Variants in SMARCD2 observed in about 807,000 individuals in gnomAD.
The protein encoded by SMARCD2 is SWI/SNF related BAF chromatin remodeling complex subunit D2.
Under a neutral mutation model 70.4 loss-of-function variants are expected in SMARCD2, and 39 were observed. The ratio of observed to expected loss-of-function variants is 0.55; its 90% confidence interval spans 0.43 to 0.72. The LOEUF is 0.72. SMARCD2 is among the 30% of genes least tolerant of loss of function. The probability of loss-of-function intolerance (pLI) is 0.00; values close to 1 mark genes in which losing one functional copy is unlikely to be tolerated. For missense variants in SMARCD2, 540 were observed against 713.4 expected (o/e 0.76, Z 2.77); for synonymous variants, 249 against 279.4 (o/e 0.89, Z 1.08).
Position 63,836,815 on chromosome 17 carries a change from G to A in SMARCD2, c.567+107C>T, listed in dbSNP as rs2040271742. 13 of 1,001,246 alleles carry A rather than the reference G, an allele frequency of 1.3e-5. No individual in the cohort carries two copies. In the South Asian group the frequency reaches 1.7e-4, roughly 13 times the overall value. The allele number at this position is 1,001,246 out of a possible 1,614,324, so 62.0% of individuals were successfully genotyped here. On this transcript the variant is annotated intron_variant, in intron 4 of 12. Transcript: ENST00000448276. ...GTACTCTACTAGTGGGCTGCATCCTGCATGTGAAAAACCCGGCTCTAGCCC... is the reference window on the plus strand; with the variant it reads ...GTACTCTACTAGTGGGCTGCATCCTACATGTGAAAAACCCGGCTCTAGCCC...
chr17:63,840,780 C>T (rs1035256689), intron 1 of SMARCD2, among the ~76,000 whole-genome samples: 1 of 152,236 alleles, frequency 6.6e-6, no homozygotes, highest in African/African-American at 2.4e-5. Context: ...TTCCCATCTA[C>T]CTCTCCTGCC....
Position 63,833,532 on chromosome 17 carries a change from G to C in SMARCD2, c.1317+55C>G. The C allele has an allele frequency of 1.2e-5, 19 of 1,612,600 alleles. No homozygotes were observed. The highest frequency in any genetic ancestry group is 1.6e-5 in the Non-Finnish European group (19 of 1,178,892). ...TACATGTATGGAAATGCTGGACAGA[G>C]CCAGCCCACCCCAATCCTGGGCCCC... On this transcript the variant is annotated intron_variant, in intron 10 of 12. Coordinates refer to ENST00000448276, the MANE Select transcript of SMARCD2 (RefSeq NM_001098426.2). This position sits in a 1 kb window ranked among gnomAD's most constrained non-coding sequence, Gnocchi z 4.3.
intron 1 of SMARCD2, chr17:63,838,803 C>A (rs989957292): frequency 6.9e-5 from 88 of 1,270,740 alleles, no homozygotes; most frequent in Non-Finnish European, 8.4e-5. Context: ...CCAAGCCCGG[C>A]AGGGTGGAGA....
chr17:63,833,284 A>T lies in SMARCD2; in HGVS notation c.1440+14T>A. On this transcript the variant is annotated intron_variant, in intron 11 of 12. Transcript: ENST00000448276. The surrounding 1 kb of genome is among the most constrained non-coding windows in gnomAD (Gnocchi z 4.3). ...AGCTTTACATAGGAGTCCCCTCGGG[A>T]AAGAGGACTACACCTTGAGGTCTCG... 1 of 1,613,946 alleles carries T rather than the reference A, an allele frequency of 6.2e-7. No individual in the cohort carries two copies.
chr17:63,837,950 G>C lies in SMARCD2; in HGVS notation c.217-325C>G, dbSNP rs1325408716. On this transcript the variant is annotated intron_variant, in intron 1 of 12. Coordinates refer to ENST00000448276, the MANE Select transcript of SMARCD2 (RefSeq NM_001098426.2). The surrounding 1 kb of genome is among the most constrained non-coding windows in gnomAD (Gnocchi z 6.4). ...TGCTACCTTCCAGCCCCAGCATGCTGTGCCCTATTCCCTGGGCAAGCTGGT... is the reference window on the plus strand; with the variant it reads ...TGCTACCTTCCAGCCCCAGCATGCTCTGCCCTATTCCCTGGGCAAGCTGGT... Among the ~76,000 whole-genome samples, 1 of 152,142 alleles carries C rather than the reference G, an allele frequency of 6.6e-6. No individual in the cohort carries two copies. The highest frequency in any genetic ancestry group is 2.4e-5 in the African/African-American group (1 of 41,428).
At chr17:63,841,458 T>C (rs1430314207) in intron 1 of SMARCD2, among the ~76,000 whole-genome samples, 1 of 152,198 alleles carries the variant, frequency 6.6e-6, no homozygotes, top group East Asian at 1.9e-4. Context: ...GCTTCGGACG[T>C]GGTGGAGTTA....
At position 63,842,429 on chromosome 17, in the gene SMARCD2, C is replaced by T. The variant is rs1904505219; in HGVS notation, c.216+30G>A. 7 of 1,342,028 alleles carry T rather than the reference C, an allele frequency of 5.2e-6. No individual in the cohort carries two copies. In the South Asian group the frequency reaches 1.2e-4, roughly 22 times the overall value. 83.1% of individuals were successfully genotyped at this position (1,342,028 alleles called of 1,614,324 possible). A position where few individuals can be genotyped will look rare whatever the true frequency, so the allele number is the denominator to read the frequency against. On this transcript the variant is annotated intron_variant, in intron 1 of 12. Coordinates refer to ENST00000448276, the MANE Select transcript of SMARCD2 (RefSeq NM_001098426.2). ...CCGGGCGCCCTCGCAGCGCCTCTCG[C>T]CCCCGTCCGCTCGCGTCCTCCTTGC...
chr17:63,842,301 GCGACCCGCCGCAGCCCGAGGGTCC>G, intron 1 of SMARCD2, 134 bp downstream of exon 1: 1 of 1,131,438 alleles, frequency 8.8e-7, no homozygotes, highest in Non-Finnish European at 1.1e-6. Flanking sequence ...CTTCTCCACC[GCGACCCGCCGCAGCCCGAGGGTCC>G]CGGCCCGCCC....
rs1130103 is a variant in SMARCD2, at chr17:63,834,570, G to A, written c.825C>T (p.His275=). ...YGPDNHLVEW[H]RMPTTQETDG... is the part of the protein sequence containing the mutation. ...CTGTCTCCTGGGTGGTGGGCATCCGGTGCCACTGGCAGGGAGGGAAGCATG... is the reference window on the plus strand; with the variant it reads ...CTGTCTCCTGGGTGGTGGGCATCCGATGCCACTGGCAGGGAGGGAAGCATG... Residue 275 remains histidine (H), a synonymous_variant, in exon 7 of 13, where the codon CAC becomes CAT. Transcript: ENST00000448276. This position sits in a 1 kb window ranked among gnomAD's most constrained non-coding sequence, Gnocchi z 5.6. 6.2e-7 allele frequency: 1 copy of A among 1,603,130 alleles called. No homozygotes were observed. Among genetic ancestry groups the A allele is most frequent in the South Asian group, 1.1e-5 (1 of 90,402 alleles).
Position 63,834,732 on chromosome 17 carries a change from C to T in SMARCD2, c.792G>A (p.Leu264=), listed in dbSNP as rs923298693. Reference sequence around the variant, plus strand: ...CCACCAGGTGATTGTCAGGCCCGTACAGCTCCTTGTCCAGCTCAATGACGA... The same window carrying T: ...CCACCAGGTGATTGTCAGGCCCGTATAGCTCCTTGTCCAGCTCAATGACGA... ...KSLVIELDKE[L]YGPDNHLVEW... The change falls in exon 6 of 13, where the codon CTG becomes CTA. Residue 264 remains leucine (L), a synonymous_variant. Coordinates refer to ENST00000448276, the MANE Select transcript of SMARCD2 (RefSeq NM_001098426.2). This position sits in a 1 kb window ranked among gnomAD's most constrained non-coding sequence, Gnocchi z 5.6. 1.9e-6 allele frequency: 3 copies of T among 1,613,604 alleles called. No homozygotes were observed. Among genetic ancestry groups the T allele is most frequent in the Non-Finnish European group, 1.7e-6 (2 of 1,179,466 alleles).
chr17:63,836,427 AT>A (rs796342534), intron 4 of SMARCD2, among the ~76,000 whole-genome samples: 5 of 145,256 alleles, frequency 3.4e-5, no homozygotes, highest in African/African-American at 1.3e-4. Context: ...TGAACCTGGG[AT>A]GCGAAGGTTG....
intron 1 of SMARCD2, chr17:63,838,997 G>T (rs1904334734): frequency 6.1e-6 from 6 of 985,394 alleles, no homozygotes; most frequent in Non-Finnish European, 7.2e-6. Flanking sequence ...AGCAGGGTGG[G>T]ACGGAAGTGT....
At chr17:63,838,334 C>T (rs2040291550) in intron 1 of SMARCD2, among the ~76,000 whole-genome samples, 1 of 152,006 alleles carries the variant, frequency 6.6e-6, no homozygotes, top group Non-Finnish European at 1.5e-5. Flanking sequence ...CTCCCTACTG[C>T]CCAACTACTA....
At chr17:63,838,365 A>G (rs374854436) in intron 1 of SMARCD2, among the ~76,000 whole-genome samples, 30 of 152,018 alleles carry the variant, frequency 2.0e-4, no homozygotes, top group Non-Finnish European at 3.5e-4. Flanking sequence ...AGAAGACCCC[A>G]GAAGGGAAGC....
intron 4 of SMARCD2, 68 bp downstream of exon 4, chr17:63,836,854 C>T: frequency 1.3e-6 from 2 of 1,544,578 alleles, no homozygotes; most frequent in Non-Finnish European, 1.8e-6. Context: ...TTGCTTGGCC[C>T]CTGGAAAACA....
chr17:63,835,389 C>T (rs1413429309), intron 5 of SMARCD2, 23 bp downstream of exon 5: 1 of 1,606,798 alleles, frequency 6.2e-7, no homozygotes, highest in African/African-American at 1.3e-5. Flanking sequence ...TCCTTCCCTC[C>T]AGAACCTCCC....
Position 63,837,624 on chromosome 17 carries a change from C to A in SMARCD2, c.218G>T (p.Arg73Leu). 6.2e-7 allele frequency: 1 copy of A among 1,612,290 alleles called. No homozygotes were observed. Among genetic ancestry groups the A allele is most frequent in the South Asian group, 1.1e-5 (1 of 90,908 alleles). The change falls in exon 2 of 13, where the codon CGA (arginine) becomes CTA (leucine). Residue 73 changes from arginine to leucine, a missense_variant and splice_region_variant. By Grantham distance (102) the Arg-to-Leu change is moderately radical. Transcript: ENST00000448276. This position sits in a 1 kb window ranked among gnomAD's most constrained non-coding sequence, Gnocchi z 6.4. ...GPAGPAAQYQ[R>L]PGMSPGNRMP... Reference sequence around the variant, plus strand: ...CCGGTTCCCTGGTGACATGCCAGGTCGCTGGGGGAAGTGAGCCAACGGGGG... The same window carrying A: ...CCGGTTCCCTGGTGACATGCCAGGTAGCTGGGGGAAGTGAGCCAACGGGGG...
chr17:63,837,635 G>T lies in SMARCD2; in HGVS notation c.217-10C>A. ...GTGACATGCCAGGTCGCTGGGGGAA[G>T]TGAGCCAACGGGGGTGCATAGGTCA... On this transcript the variant is annotated splice_polypyrimidine_tract_variant and intron_variant, in intron 1 of 12. Transcript: ENST00000448276. This position sits in a 1 kb window ranked among gnomAD's most constrained non-coding sequence, Gnocchi z 6.4. 6.2e-7 allele frequency: 1 copy of T among 1,611,096 alleles called. No individual in the cohort carries two copies. Among genetic ancestry groups the T allele is most frequent in the Non-Finnish European group, 8.5e-7 (1 of 1,178,662 alleles).
chr17:63,833,771 C>T lies in SMARCD2; in HGVS notation c.1182-49G>A. The T allele has an allele frequency of 6.2e-7, 1 of 1,610,332 alleles. No individual in the cohort carries two copies. Among genetic ancestry groups the T allele is most frequent in the Non-Finnish European group, 8.5e-7 (1 of 1,176,868 alleles). On this transcript the variant is annotated intron_variant, in intron 9 of 12. Transcript: ENST00000448276. The surrounding 1 kb of genome is among the most constrained non-coding windows in gnomAD (Gnocchi z 4.3). ...AAGGCACATAGCTGACTTCATCCTG[C>T]CCACCTGGGCCAAATCTGGGGCCCA...
Sources: gnomAD v4.1 joint callset for allele counts (sites outside exome capture counted in the v4.1 genomes callset) on GRCh38, gnomAD v4.1.1 for gene constraint, Gnocchi (gnomAD v3.1) non-coding constraint, MANE v1.5 for transcripts, NCBI Gene and HGNC (gene_info 2026-07-23, HGNC 2026-07-21) for gene names.